CNTN5: variants seen among roughly 807,000 people sequenced by gnomAD.
CNTN5 encodes the protein contactin-5.
In CNTN5, 77 loss-of-function variants were observed where a neutral mutation model predicts 129.1. The ratio of observed to expected loss-of-function variants is 0.60; its 90% CI spans 0.50 to 0.72. The LOEUF (loss-of-function observed/expected upper bound fraction) is 0.72, where lower values mean the gene tolerates loss of function less well. CNTN5 is among the 30% of genes least tolerant of loss of function. CNTN5 has a pLI of 0.00. For synonymous variants in CNTN5, 509 were observed against 465.6 expected (o/e 1.09, Z -1.20); for missense variants, 1,478 against 1,328.8 (o/e 1.11, Z -1.75).
At chr11:99,292,251 G>GT (rs1471119763) in intron 1 of CNTN5, among the ~76,000 whole-genome samples, 1 of 87,860 alleles carries the variant, frequency 1.1e-5, no homozygotes, top group East Asian at 4.8e-4. Context: ...AGCTTACAAA[G>GT]TTAAAAAAAA....
intron 23 of CNTN5, among the ~76,000 whole-genome samples, chr11:100,341,645 C>A (rs1952165664): frequency 6.6e-6 from 1 of 151,980 alleles, no homozygotes; most frequent in South Asian, 2.1e-4. Context: ...AGAAAGAAAA[C>A]AAAAAATCCA....
At chr11:99,674,345 G>A (rs991836885) in intron 3 of CNTN5, among the ~76,000 whole-genome samples, 3 of 151,724 alleles carry the variant, frequency 2.0e-5, no homozygotes, top group Middle Eastern at 3.4e-3. Context: ...ATAGATGCTC[G>A]ATTTTAGACC....
chr11:99,172,199 C>T (rs1402696854), intron 1 of CNTN5, among the ~76,000 whole-genome samples: 1 of 96,020 alleles, frequency 1.0e-5, no homozygotes, highest in Non-Finnish European at 2.2e-5. Context: ...ATCACTAAGA[C>T]CCAGTTTCTT....
chr11:100,002,374 A>G (rs1939930430), intron 9 of CNTN5, among the ~76,000 whole-genome samples: 1 of 152,156 alleles, frequency 6.6e-6, no homozygotes, highest in Non-Finnish European at 1.5e-5. Flanking sequence ...AAACTTCTTT[A>G]ATGAATAAAA....
intron 2 of CNTN5, among the ~76,000 whole-genome samples, chr11:99,331,029 A>G (rs543414187): frequency 6.6e-6 from 1 of 152,158 alleles, no homozygotes; most frequent in Admixed American, 6.6e-5. Context: ...GAGATGCATA[A>G]AAATGGAGAG....
At chr11:99,775,588 ATTC>A (rs1945096060) in intron 3 of CNTN5, among the ~76,000 whole-genome samples, 1 of 152,062 alleles carries the variant, frequency 6.6e-6, no homozygotes, top group Non-Finnish European at 1.5e-5. Context: ...ATCTAAAACT[ATTC>A]TTAAAATTAT....
chr11:100,265,002 TTA>T (rs956469409), intron 17 of CNTN5, among the ~76,000 whole-genome samples: 35 of 152,230 alleles, frequency 2.3e-4, no homozygotes, highest in African/African-American at 8.2e-4. Context: ...TGGGGTTTTT[TTA>T]TATGTTTGTT....
At chr11:99,629,043 G>A (rs1283208670) in intron 3 of CNTN5, among the ~76,000 whole-genome samples, 2 of 152,010 alleles carry the variant, frequency 1.3e-5, no homozygotes, top group Middle Eastern at 3.4e-3. Context: ...ATTATTAACT[G>A]CTCCTGAAAT....
chr11:99,304,703 T>C (rs1377077058), intron 1 of CNTN5, among the ~76,000 whole-genome samples: 1 of 152,206 alleles, frequency 6.6e-6, no homozygotes. Flanking sequence ...TGCTTTTAGA[T>C]GGTAAATTCC....
At chr11:100,255,715 G>C (rs1950051342) in intron 16 of CNTN5, 45 bp from the exon 17 acceptor site, 2 of 1,544,704 alleles carry the variant, frequency 1.3e-6, no homozygotes, top group Non-Finnish European at 1.8e-6. Flanking sequence ...CATGGCTCCT[G>C]ATAATAATTT....
At chr11:99,612,171 C>G (rs1291636586) in intron 3 of CNTN5, among the ~76,000 whole-genome samples, 2 of 152,172 alleles carry the variant, frequency 1.3e-5, no homozygotes, top group Non-Finnish European at 2.9e-5. Flanking sequence ...GAAACTGAGA[C>G]TCATAATTGT....
chr11:99,870,029 T>G (rs1185201546), intron 6 of CNTN5, among the ~76,000 whole-genome samples: 3 of 152,106 alleles, frequency 2.0e-5, no homozygotes, highest in Non-Finnish European at 2.9e-5. Flanking sequence ...AAGGCACCAC[T>G]CTCAGTGGTA....
intron 17 of CNTN5, among the ~76,000 whole-genome samples, chr11:100,263,021 A>AT: frequency 6.6e-6 from 1 of 152,264 alleles, no homozygotes; most frequent in South Asian, 2.1e-4. Context: ...TAGTTGCATT[A>AT]TTTTAAAAAT....
intron 2 of CNTN5, among the ~76,000 whole-genome samples, chr11:99,487,955 T>A (rs532636489): frequency 1.3e-5 from 2 of 152,300 alleles, no homozygotes; most frequent in South Asian, 4.1e-4. Flanking sequence ...TAAATATAAC[T>A]AATTATAAGT....
At chr11:100,083,124 T>C (rs966484965) in intron 13 of CNTN5, among the ~76,000 whole-genome samples, 20 of 152,152 alleles carry the variant, frequency 1.3e-4, no homozygotes, top group Admixed American at 3.9e-4. Context: ...GAGACCAGCC[T>C]GGATAACATG....
chr11:99,449,847 T>A (rs1944226808), intron 2 of CNTN5, among the ~76,000 whole-genome samples: 1 of 152,192 alleles, frequency 6.6e-6, no homozygotes. Flanking sequence ...TCCATTTGAC[T>A]AAAGCAAGTC....
intron 4 of CNTN5, among the ~76,000 whole-genome samples, chr11:99,838,870 G>A (rs944277646): frequency 1.3e-5 from 2 of 152,100 alleles, no homozygotes; most frequent in African/African-American, 2.4e-5. Flanking sequence ...AATATAGTAT[G>A]CCTTTTGCTT....
At chr11:99,131,356 C>G (rs1038502818) in intron 1 of CNTN5, among the ~76,000 whole-genome samples, 1 of 150,676 alleles carries the variant, frequency 6.6e-6, no homozygotes, top group South Asian at 2.1e-4. Flanking sequence ...ACTAGAGAAC[C>G]AAGAGCAAAG....
intron 3 of CNTN5, among the ~76,000 whole-genome samples, chr11:99,572,662 C>T (rs1315635559): frequency 6.6e-6 from 1 of 152,158 alleles, no homozygotes; most frequent in African/African-American, 2.4e-5. Context: ...TGATATAATG[C>T]TCCCCTCCCC....
Sources: gnomAD v4.1 joint callset for allele counts (sites outside exome capture counted in the v4.1 genomes callset) on GRCh38, gnomAD v4.1.1 for gene constraint, MANE v1.5 for transcripts, NCBI Gene and HGNC (gene_info 2026-07-23, HGNC 2026-07-21) for gene names.